Variants in CTNNA2 observed in about 807,000 individuals in gnomAD.
The protein encoded by CTNNA2 is catenin alpha-2.
Under a neutral mutation model 101.0 loss-of-function variants are expected in CTNNA2, and 42 were observed. The ratio of observed to expected loss-of-function variants is 0.42; its 90% CI spans 0.32 to 0.54. CTNNA2 has a LOEUF of 0.54. Among genes scored for constraint, CTNNA2 ranks in the 20% least tolerant of loss-of-function variants. The pLI is 0.14. For missense variants in CTNNA2, 871 were observed against 1,223.1 expected (o/e 0.71, Z 4.29); for synonymous variants, 450 against 456.4 (o/e 0.99, Z 0.18).
intron 2 of CTNNA2, among the ~76,000 whole-genome samples, chr2:79,224,266 T>A (rs4853446): frequency 0.23 from 34,658 of 152,092 alleles, 4,899 homozygotes; most frequent in African/African-American, 0.4. Context: ...AAGATCAAAA[T>A]GAATCTGTTA....
intron 2 of CTNNA2, among the ~76,000 whole-genome samples, chr2:79,288,487 A>C (rs1291669070): frequency 6.6e-6 from 1 of 152,216 alleles, no homozygotes; most frequent in Non-Finnish European, 1.5e-5. Flanking sequence ...AGCTACTGGA[A>C]GATTTGACTG....
At chr2:80,009,813 C>T (rs939747984) in intron 7 of CTNNA2, among the ~76,000 whole-genome samples, 6 of 151,876 alleles carry the variant, frequency 4.0e-5, no homozygotes, top group East Asian at 3.9e-4. Context: ...AGATTATTTA[C>T]AGTCTAACTT....
chr2:79,261,829 A>ATTAATAACTC (rs1335638815), intron 2 of CTNNA2, among the ~76,000 whole-genome samples: 1 of 152,238 alleles, frequency 6.6e-6, no homozygotes, highest in African/African-American at 2.4e-5. Flanking sequence ...AATTAACAAA[A>ATTAATAACTC]GGTGAAAGCA....
At chr2:80,492,889 C>T (rs1252078538) in intron 9 of CTNNA2, among the ~76,000 whole-genome samples, 1 of 152,112 alleles carries the variant, frequency 6.6e-6, no homozygotes, top group African/African-American at 2.4e-5. Context: ...TCCCATAATT[C>T]CCTTGGCGGA....
At chr2:79,212,639 C>T (rs145816671) in intron 2 of CTNNA2, among the ~76,000 whole-genome samples, 5,855 of 152,098 alleles carry the variant, frequency 0.038, 417 homozygotes, top group African/African-American at 0.13. Context: ...TATCGGACTG[C>T]GTAGAGGTGG....
chr2:79,562,121 TTTAG>T (rs1289291761), intron 1 of CTNNA2, among the ~76,000 whole-genome samples: 7 of 152,014 alleles, frequency 4.6e-5, no homozygotes, highest in Non-Finnish European at 8.8e-5. Flanking sequence ...TTGATCAATT[TTTAG>T]TTAATTTTCA....
At chr2:80,300,285 T>G (rs1454885927) in intron 7 of CTNNA2, among the ~76,000 whole-genome samples, 20 of 14,264 alleles carry the variant, frequency 1.4e-3, no homozygotes, top group South Asian at 6.0e-3. Context: ...TGTTGGGGTG[T>G]GTGTGTGTGT....
intron 2 of CTNNA2, among the ~76,000 whole-genome samples, chr2:79,734,933 T>A (rs1338485267): frequency 6.6e-6 from 1 of 152,174 alleles, no homozygotes; most frequent in Non-Finnish European, 1.5e-5. Context: ...ATGAGCATCC[T>A]ATGACTTTGT....
At chr2:79,906,407 C>T (rs1434387176) in intron 6 of CTNNA2, among the ~76,000 whole-genome samples, 1 of 152,106 alleles carries the variant, frequency 6.6e-6, no homozygotes, top group African/African-American at 2.4e-5. Context: ...TTTCTTTGTG[C>T]CTTTTGTCTC....
rs149452279 is a variant in CTNNA2 at position 80,303,607 on chromosome 2, G to C, written c.1057-89604G>C. ...GCTCCGAGAGGCTGTTGTAGCGCAG[G>C]GACAAGCCCAGCAGGCCGGACAGGT... On this transcript the variant is annotated intron_variant, in intron 7 of 18. Transcript: ENST00000402739. The surrounding 1 kb of genome is among the most constrained non-coding windows in gnomAD (Gnocchi z 7.7). 49 of 1,614,056 alleles carry C rather than the reference G, an allele frequency of 3.0e-5. No homozygotes were observed. The highest frequency in any genetic ancestry group is 6.7e-5 in the Admixed American group (4 of 60,010).
chr2:79,720,740 C>G (rs1444762723), intron 2 of CTNNA2, among the ~76,000 whole-genome samples: 3 of 152,082 alleles, frequency 2.0e-5, no homozygotes, highest in Non-Finnish European at 4.4e-5. Flanking sequence ...ATCCAGGAAC[C>G]TTGCTAAACC....
intron 7 of CTNNA2, among the ~76,000 whole-genome samples, chr2:79,918,253 A>T (rs944178601): frequency 6.6e-6 from 1 of 152,184 alleles, no homozygotes; most frequent in Non-Finnish European, 1.5e-5. Flanking sequence ...GAATGAACTC[A>T]TAGGAATGTA....
chr2:80,616,000 TTTAATC>T (rs1429148445), intron 17 of CTNNA2, among the ~76,000 whole-genome samples: 2 of 151,724 alleles, frequency 1.3e-5, no homozygotes, highest in African/African-American at 4.8e-5. Context: ...AATTCAGACT[TTTAATC>T]TTTTCTTTTA....
chr2:79,463,224 C>A (rs1001594579), intron 4 of CTNNA2, among the ~76,000 whole-genome samples: 2 of 151,884 alleles, frequency 1.3e-5, no homozygotes, highest in Non-Finnish European at 2.9e-5. Flanking sequence ...CCAGCTTGGC[C>A]AACATGGTGA....
At chr2:80,423,810 G>T (rs944179075) in intron 9 of CTNNA2, among the ~76,000 whole-genome samples, 3 of 152,164 alleles carry the variant, frequency 2.0e-5, no homozygotes, top group African/African-American at 7.2e-5. Context: ...ATGTGGCTGG[G>T]ATCAGGATTT....
chr2:80,135,060 T>C (rs1422783106), intron 7 of CTNNA2, among the ~76,000 whole-genome samples: 1 of 152,200 alleles, frequency 6.6e-6, no homozygotes, highest in Non-Finnish European at 1.5e-5. Flanking sequence ...ATGTACTGCT[T>C]ATCTGTACAA....
At chr2:79,208,330 T>A (rs1246146804) in intron 2 of CTNNA2, among the ~76,000 whole-genome samples, 1 of 152,166 alleles carries the variant, frequency 6.6e-6, no homozygotes, top group Non-Finnish European at 1.5e-5. Context: ...TCTCTAACAA[T>A]GAGCTCATGG....
intron 7 of CTNNA2, among the ~76,000 whole-genome samples, chr2:80,098,412 C>T (rs1369067243): frequency 6.6e-6 from 1 of 152,188 alleles, no homozygotes; most frequent in African/African-American, 2.4e-5. Flanking sequence ...GTCAGTCCGC[C>T]CCCACGGGGG....
At chr2:80,032,441 A>T (rs1239220493) in intron 7 of CTNNA2, among the ~76,000 whole-genome samples, 1 of 152,228 alleles carries the variant, frequency 6.6e-6, no homozygotes, top group East Asian at 1.9e-4. Flanking sequence ...CTAATAATGT[A>T]CAAAGGTAAA....
Sources: allele counts gnomAD v4.1 joint callset (sites outside exome capture counted in the v4.1 genomes callset), GRCh38; gene constraint gnomAD v4.1.1; non-coding constraint Gnocchi (gnomAD v3.1); transcripts MANE v1.5; gene names NCBI Gene and HGNC (gene_info 2026-07-23, HGNC 2026-07-21).